The following WDR35 variants were observed in gnomAD, a reference collection of about 807,000 sequenced individuals.
The protein encoded by WDR35 is WD repeat domain 35, also known as WD repeat-containing protein 35.
Under a neutral mutation model 158.3 loss-of-function variants are expected in WDR35, and 118 were observed. The observed-to-expected ratio is 0.75, with a 90% CI of 0.64 to 0.87. The LOEUF (loss-of-function observed/expected upper bound fraction) is 0.87, where lower values mean the gene tolerates loss of function less well. Among genes scored for constraint, WDR35 ranks in the 40% least tolerant of loss-of-function variants. The pLI is 0.00. For missense variants in WDR35, 1,263 were observed against 1,405.8 expected, an observed-to-expected ratio of 0.90 and a Z score of 1.62; for synonymous variants, 448 against 476.1, an observed-to-expected ratio of 0.94 and a Z score of 0.77.
chr2:19,941,849 C>CA lies in WDR35; in HGVS notation c.1846-11dup, dbSNP rs754138477. Reference sequence around the variant, plus strand: ...AGGTCTGAATGGGTTCCTTTAAAGACAAAAAAAAAGTTATGTTTCATTATG... The same window carrying CA: ...AGGTCTGAATGGGTTCCTTTAAAGACAAAAAAAAAAGTTATGTTTCATTATG... On this transcript the variant is annotated splice_polypyrimidine_tract_variant and intron_variant, in intron 16 of 26. Coordinates refer to ENST00000281405, the MANE Select transcript of WDR35 (RefSeq NM_020779.4). 239 of 1,524,780 alleles carry CA rather than the reference C, an allele frequency of 1.6e-4. No individual in the cohort carries two copies. Among genetic ancestry groups the CA allele is most frequent in the Middle Eastern group, 3.8e-4 (2 of 5,292 alleles). The allele number at this position is 1,524,780 out of a possible 1,614,324, so 94.5% of individuals were successfully genotyped here. A position where few individuals can be genotyped will look rare whatever the true frequency, so the allele number is the denominator to read the frequency against.
intron 8 of WDR35, among the ~76,000 whole-genome samples, chr2:19,972,703 A>G (rs1315275370): frequency 6.6e-6 from 1 of 152,086 alleles, no homozygotes; most frequent in East Asian, 1.9e-4. Flanking sequence ...TCTTGCCCTA[A>G]AAGAAATTAT....
At chr2:19,938,574 C>G (rs941986205) in intron 17 of WDR35, among the ~76,000 whole-genome samples, 173 bp from the exon 18 acceptor site, 1 of 151,952 alleles carries the variant, frequency 6.6e-6, no homozygotes, top group African/African-American at 2.4e-5. Flanking sequence ...ATCTGGAAAA[C>G]ACCAAAACCC....
chr2:19,923,882 T>C (rs754334116), intron 25 of WDR35, among the ~76,000 whole-genome samples: 8 of 152,208 alleles, frequency 5.3e-5, no homozygotes, highest in Non-Finnish European at 8.8e-5. Context: ...CATTTTGTAA[T>C]GGGACTGTTA....
Position 19,917,620 on chromosome 2 carries a change from T to G in WDR35, c.3122-3343A>C, listed in dbSNP as rs1395774945. Among the ~76,000 whole-genome samples the G allele has an allele frequency of 2.0e-5, 3 of 152,072 alleles. No homozygotes were observed. The East Asian group carries it at 5.8e-4, about 29-fold the overall frequency. On this transcript the variant is annotated intron_variant, in intron 25 of 26. Coordinates refer to ENST00000281405, the MANE Select transcript of WDR35 (RefSeq NM_020779.4). ...CATACACAAGTATCAATAGCCAAAC[T>G]GATCATGCAGAAGAAAGGATATCAG...
chr2:19,923,218 C>T (rs757307549), intron 25 of WDR35, among the ~76,000 whole-genome samples: 13 of 152,200 alleles, frequency 8.5e-5, no homozygotes, highest in African/African-American at 1.2e-4. Flanking sequence ...ATTCCTTTAG[C>T]ACCGCTGAGT....
At chr2:19,915,851 G>A (rs904089529) in intron 25 of WDR35, among the ~76,000 whole-genome samples, 2 of 151,190 alleles carry the variant, frequency 1.3e-5, no homozygotes, top group Admixed American at 1.3e-4. Flanking sequence ...AGTTGACCTC[G>A]TGGAGCGTGC....
rs1669918377 is a variant in WDR35, at chr2:19,914,068, T to G, written c.3331A>C (p.Arg1111=). Reference sequence around the variant, plus strand: ...ATAAGGCTGTCCAATTCAGGTTTTCTGTTATCTTTTGAAGTATGTTTGGTG... The same window carrying G: ...ATAAGGCTGTCCAATTCAGGTTTTCGGTTATCTTTTGAAGTATGTTTGGTG... The part of the protein sequence containing the change: ...IFTKHTSKDN[R]KPELDSLMEG... The change falls in exon 26 of 27, where the codon AGA becomes CGA. Residue 1111 remains arginine, a synonymous_variant. Coordinates refer to ENST00000281405, the MANE Select transcript of WDR35 (RefSeq NM_020779.4). 1.9e-6 allele frequency: 3 copies of G among 1,614,048 alleles called. No individual in the cohort carries two copies. Among genetic ancestry groups the G allele is most frequent in the Non-Finnish European group, 2.5e-6 (3 of 1,180,002 alleles).
intron 16 of WDR35, among the ~76,000 whole-genome samples, chr2:19,942,750 A>G (rs2103411893): frequency 6.6e-6 from 1 of 152,294 alleles, no homozygotes; most frequent in Middle Eastern, 3.4e-3. Context: ...GATTTTAAAA[A>G]TTCAACTTCT....
intron 11 of WDR35, among the ~76,000 whole-genome samples, chr2:19,958,466 A>C (rs1558345216): frequency 6.6e-6 from 1 of 152,220 alleles, no homozygotes; most frequent in Admixed American, 6.5e-5. Context: ...ACTAGGTTTT[A>C]ATTATTTGTT....
intron 12 of WDR35, among the ~76,000 whole-genome samples, chr2:19,952,779 T>C (rs1485986191): frequency 7.1e-6 from 1 of 140,428 alleles, no homozygotes; most frequent in East Asian, 2.2e-4. Context: ...ATACTCAACA[T>C]ACTTTTTTTT....
intron 2 of WDR35, among the ~76,000 whole-genome samples, chr2:19,986,491 C>A (rs1672569056): frequency 6.6e-6 from 1 of 152,126 alleles, no homozygotes; most frequent in African/African-American, 2.4e-5. Context: ...AAAAGTAGTA[C>A]GTCTAAATAT....
chr2:19,945,906 T>G lies in WDR35; in HGVS notation c.1725A>C (p.Gly575=), dbSNP rs1270807682. Residue 575 remains glycine (G), a synonymous_variant, in exon 16 of 27, where the codon GGA becomes GGC. Coordinates refer to ENST00000281405, the MANE Select transcript of WDR35 (RefSeq NM_020779.4). The part of the protein sequence containing the change: ...VTDSTGQQVV[G]ELLKLERRDV... ...CTCTTCGTTCCAATTTTAACAACTC[T>G]CCAACTACTTGCTGTCCCGTACTGT... The G allele has an allele frequency of 1.9e-6, 3 of 1,613,874 alleles. No individual in the cohort carries two copies. The highest frequency in any genetic ancestry group is 2.5e-6 in the Non-Finnish European group (3 of 1,179,906).
At chr2:19,926,038 C>T (rs1670345306) in intron 25 of WDR35, among the ~76,000 whole-genome samples, 1 of 152,144 alleles carries the variant, frequency 6.6e-6, no homozygotes. Flanking sequence ...AAAATGGGCA[C>T]ATAGCTCCAA....
intron 22 of WDR35, among the ~76,000 whole-genome samples, chr2:19,933,123 C>G (rs1231584062): frequency 2.0e-5 from 3 of 152,190 alleles, no homozygotes; most frequent in African/African-American, 7.2e-5. Flanking sequence ...CAGACAAAAA[C>G]TTGCCAGACT....
intron 25 of WDR35, among the ~76,000 whole-genome samples, chr2:19,924,297 G>A (rs769833059): frequency 6.6e-6 from 1 of 152,178 alleles, no homozygotes; most frequent in South Asian, 2.1e-4. Context: ...GGGTGCAGTG[G>A]CTCATGCCTG....
At position 19,914,202 on chromosome 2, in the gene WDR35, G is replaced by T. The variant is rs1250940496; in HGVS notation, c.3197C>A (p.Ala1066Asp). 6.2e-7 allele frequency: 1 copy of T among 1,614,090 alleles called. No individual in the cohort carries two copies. The highest frequency in any genetic ancestry group is 8.5e-7 in the Non-Finnish European group (1 of 1,180,024). ...TGAACAAGTCCCAAAGGCTCTGCTG[G>T]CGCATGCGCAGAGTGCTAGCAGAGA... ...IYSLLALCAC[A>D]SRAFGTCSKA... Residue 1066 changes from alanine to aspartate, a missense_variant, in exon 26 of 27, where the codon GCC becomes GAC. Physicochemically the swap from Ala to Asp is moderately radical, Grantham distance 126. Coordinates refer to ENST00000281405, the MANE Select transcript of WDR35 (RefSeq NM_020779.4).
intron 23 of WDR35, 147 bp downstream of exon 23, chr2:19,932,136 T>TA: frequency 1.0e-6 from 1 of 997,456 alleles, no homozygotes. Context: ...GCAATAATAC[T>TA]AAAATAATGT....
chr2:19,980,875 A>T, intron 3 of WDR35, 92 bp from the exon 4 acceptor site: 1 of 1,152,448 alleles, frequency 8.7e-7, no homozygotes, highest in Non-Finnish European at 1.3e-6. Context: ...TGTTAAAATC[A>T]ATATGGTTCC....
At position 19,960,563 on chromosome 2, in the gene WDR35, T is replaced by C. The variant is rs1256294221; in HGVS notation, c.1246A>G (p.Ile416Val). 6 of 1,607,686 alleles carry C rather than the reference T, an allele frequency of 3.7e-6. No homozygotes were observed. In the Admixed American group the frequency reaches 5.0e-5, roughly 13 times the overall value. Residue 416 changes from isoleucine to valine, a missense_variant, in exon 11 of 27, where the codon ATT becomes GTT. Coordinates refer to ENST00000281405, the MANE Select transcript of WDR35 (RefSeq NM_020779.4). ...SIGTPLDPKY[I>V]DIVPLFVAMT... ...ATCAACATTTCCTTACCAATATCAATGTATTTGGGATCCAAGGGTGTACCA... is the reference window on the plus strand; with the variant it reads ...ATCAACATTTCCTTACCAATATCAACGTATTTGGGATCCAAGGGTGTACCA...
Sources: allele counts gnomAD v4.1 joint callset (sites outside exome capture counted in the v4.1 genomes callset), GRCh38; gene constraint gnomAD v4.1.1; transcripts MANE v1.5; gene names NCBI Gene and HGNC (gene_info 2026-07-23, HGNC 2026-07-21).